The following FAT2 variants were observed in gnomAD, a reference collection of about 807,000 sequenced individuals.
FAT2 encodes protocadherin Fat 2.
FAT2 carries 150 observed loss-of-function variants against 295.3 expected under a neutral mutation model. That is an observed-to-expected ratio of 0.51 (90% confidence interval 0.44 to 0.58). The LOEUF is 0.58. Ranked by LOEUF, FAT2 falls within the 20% of genes least tolerant of loss-of-function variation. The probability of loss-of-function intolerance (pLI) is 0.00; values close to 1 mark genes in which losing one functional copy is unlikely to be tolerated. For synonymous variants in FAT2, 2,026 were observed against 2,150.3 expected (o/e 0.94, Z 1.60); for missense variants, 4,868 against 5,442.7 (o/e 0.89, Z 3.32).
intron 1 of FAT2, among the ~76,000 whole-genome samples, chr5:151,579,864 T>C (rs1286173495): frequency 6.6e-6 from 1 of 151,826 alleles, no homozygotes; most frequent in African/African-American, 2.4e-5. Context: ...AAATAAATGC[T>C]AGCTGTTGTT....
chr5:151,522,353 A>G (rs1753559149), intron 18 of FAT2, among the ~76,000 whole-genome samples: 1 of 152,332 alleles, frequency 6.6e-6, no homozygotes, highest in Admixed American at 6.5e-5. Context: ...CTCATGTGAC[A>G]TCTCTCTGAG....
chr5:151,505,239 G>A lies in FAT2; in HGVS notation c.*326C>T, dbSNP rs752449852. ...AGCACAGTCAATCAGGCTCTGCCCCGGGGACTGAGAGCCGGCAGATCAGGG... is the reference window on the plus strand; with the variant it reads ...AGCACAGTCAATCAGGCTCTGCCCCAGGGACTGAGAGCCGGCAGATCAGGG... On this transcript the variant is annotated 3_prime_UTR_variant, in exon 24 of 24. Transcript: ENST00000261800. The A allele has an allele frequency of 2.1e-5, 9 of 426,420 alleles. No homozygotes were observed. Among genetic ancestry groups the A allele is most frequent in the Admixed American group, 8.5e-5 (2 of 23,590 alleles). 26.4% of individuals were successfully genotyped at this position (426,420 alleles called of 1,614,324 possible).
At chr5:151,577,245 G>A (rs1418706887) in intron 1 of FAT2, among the ~76,000 whole-genome samples, 4 of 152,206 alleles carry the variant, frequency 2.6e-5, no homozygotes, top group Admixed American at 2.6e-4. Flanking sequence ...CTGGAGAAAT[G>A]AATATTTGAA....
In FAT2 at chr5:151,512,084, A is replaced by T. The variant is rs760831979; in HGVS notation, c.11905+81T>A. On this transcript the variant is annotated intron_variant, in intron 21 of 23. Transcript: ENST00000261800. The surrounding 1 kb of genome is among the most constrained non-coding windows in gnomAD (Gnocchi z 4.1). ...AAATTTGGAACCAGGAGGCTCTGAGATCTCCACCCTGACATGCTTTTCCCA... is the reference window on the plus strand; with the variant it reads ...AAATTTGGAACCAGGAGGCTCTGAGTTCTCCACCCTGACATGCTTTTCCCA... The T allele has an allele frequency of 3.6e-6, 5 of 1,370,442 alleles. No homozygotes were observed. Among genetic ancestry groups the T allele is most frequent in the Non-Finnish European group, 5.0e-6 (5 of 1,000,154 alleles). The allele number at this position is 1,370,442 out of a possible 1,614,324, so 84.9% of individuals were successfully genotyped here. A position where few individuals can be genotyped will look rare whatever the true frequency, so the allele number is the denominator to read the frequency against.
In FAT2 at chr5:151,545,064, C is replaced by T. The variant is rs1756490578; in HGVS notation, c.6063G>A (p.Leu2021=). 6 of 1,614,186 alleles carry T rather than the reference C, an allele frequency of 3.7e-6. No homozygotes were observed. The highest frequency in any genetic ancestry group is 5.1e-6 in the Non-Finnish European group (6 of 1,180,022). ...GGTCAAACGCCACACCTCTTGTCTGCAACACACCTGCTGACTGGACCATAT... is the reference window on the plus strand; with the variant it reads ...GGTCAAACGCCACACCTCTTGTCTGTAACACACCTGCTGACTGGACCATAT... ...MFHMVQSAGV[L]QTRGVAFDRE... The change falls in exon 10 of 24, where the codon TTG becomes TTA. Residue 2021 remains leucine, a synonymous_variant. Coordinates refer to ENST00000261800, the MANE Select transcript of FAT2 (RefSeq NM_001447.3).
chr5:151,588,483 A>G (rs1759266683), intron 1 of FAT2, among the ~76,000 whole-genome samples: 1 of 152,168 alleles, frequency 6.6e-6, no homozygotes. Context: ...GCGCCCTTCC[A>G]CTGGACTGTA....
chr5:151,534,397 T>A lies in FAT2; in HGVS notation c.9427+12A>T. 2 of 1,594,904 alleles carry A rather than the reference T, an allele frequency of 1.3e-6. No homozygotes were observed. Among genetic ancestry groups the A allele is most frequent in the South Asian group, 2.3e-5 (2 of 88,866 alleles). On this transcript the variant is annotated intron_variant, in intron 13 of 23. Transcript: ENST00000261800. ...GATCATTGGAAATGGCCTCAATCCT[T>A]CTCAGACTCACCTTGGTCGGGATCC...
chr5:151,530,296 G>C (rs1754451053), intron 14 of FAT2, among the ~76,000 whole-genome samples: 1 of 149,934 alleles, frequency 6.7e-6, no homozygotes, highest in Admixed American at 6.6e-5. Context: ...GTCCAGACAT[G>C]ATGCAAACAG....
intron 1 of FAT2, among the ~76,000 whole-genome samples, chr5:151,582,049 G>A (rs1217685783): frequency 1.7e-4 from 26 of 152,208 alleles, no homozygotes; most frequent in Admixed American, 1.3e-3. Context: ...TGGGAGCTGC[G>A]CTCTGGCAGT....
rs2127590668 is a variant in FAT2 at position 151,531,495 on chromosome 5, T to C, written c.9811+92A>G. On this transcript the variant is annotated intron_variant, in intron 14 of 23. Transcript: ENST00000261800. This position sits in a 1 kb window ranked among gnomAD's most constrained non-coding sequence, Gnocchi z 5.7. ...AGAGGAGGTCTGCTCTGGGAGGCGCTGCACAGGGTAGATACCCACACAGGG... is the reference window on the plus strand; with the variant it reads ...AGAGGAGGTCTGCTCTGGGAGGCGCCGCACAGGGTAGATACCCACACAGGG... 1 of 1,527,454 alleles carries C rather than the reference T, an allele frequency of 6.5e-7. No individual in the cohort carries two copies. Among genetic ancestry groups the C allele is most frequent in the South Asian group, 1.2e-5 (1 of 80,574 alleles). The allele number at this position is 1,527,454 out of a possible 1,614,324, so 94.6% of individuals were successfully genotyped here.
upstream of FAT2, among the ~76,000 whole-genome samples, chr5:151,592,334 A>G (rs140905095): frequency 3.7e-3 from 571 of 152,304 alleles, 4 homozygotes; most frequent in African/African-American, 0.013. Context: ...ACCTTTTCCC[A>G]GACACCGTAC....
intron 1 of FAT2, among the ~76,000 whole-genome samples, chr5:151,571,450 G>T (rs1008762192): frequency 6.6e-6 from 1 of 152,250 alleles, no homozygotes; most frequent in Non-Finnish European, 1.5e-5. Flanking sequence ...CCCGTGTTGG[G>T]CAGGCCCCAG....
At chr5:151,586,005 C>T (rs1482438598) in intron 1 of FAT2, among the ~76,000 whole-genome samples, 1 of 152,154 alleles carries the variant, frequency 6.6e-6, no homozygotes, top group Non-Finnish European at 1.5e-5. Flanking sequence ...ACTCAAGCAC[C>T]CCGACTCCAG....
At chr5:151,526,054 G>A in intron 17 of FAT2, 89 bp from the exon 18 acceptor site, 1 of 1,256,048 alleles carries the variant, frequency 8.0e-7, no homozygotes, top group Non-Finnish European at 1.1e-6. Flanking sequence ...TCTGGAATGA[G>A]TCCTCAGCAC....
intron 12 of FAT2, among the ~76,000 whole-genome samples, chr5:151,536,557 CAAAGGAAGT>C (rs2127596473): frequency 6.6e-6 from 1 of 152,258 alleles, no homozygotes; most frequent in African/African-American, 2.4e-5. Flanking sequence ...GCTGCTCTTC[CAAAGGAAGT>C]CCACTCCACC....
chr5:151,543,934 A>C lies in FAT2; in HGVS notation c.7193T>G (p.Val2398Gly). 1.9e-6 allele frequency: 3 copies of C among 1,614,122 alleles called. No individual in the cohort carries two copies. Among genetic ancestry groups the C allele is most frequent in the Non-Finnish European group, 2.5e-6 (3 of 1,180,026 alleles). Residue 2398 changes from valine to glycine, a missense_variant, in exon 10 of 24, where the codon GTT becomes GGT. This residue lies in a region of FAT2 where 3,297 missense variants were observed against 3,669.4 expected (regional missense o/e 0.90). Coordinates refer to ENST00000261800, the MANE Select transcript of FAT2 (RefSeq NM_001447.3). The part of the protein sequence containing the change: ...VSELATCGHL[V>G]LKVQAIDPDS... ...AGGGTCAATAGCCTGGACTTTAAGA[A>C]CCAGGTGTCCACAGGTTGCCAGTTC...
intron 1 of FAT2, among the ~76,000 whole-genome samples, chr5:151,580,797 A>T (rs140860079): frequency 6.6e-6 from 1 of 152,318 alleles, no homozygotes; most frequent in African/African-American, 2.4e-5. Flanking sequence ...TGTCCTGCAC[A>T]TTCTATAAAA....
At chr5:151,562,510 G>A (rs1758062245) in intron 3 of FAT2, among the ~76,000 whole-genome samples, 7 of 152,130 alleles carry the variant, frequency 4.6e-5, no homozygotes, top group Admixed American at 4.6e-4. Context: ...ACACAACAGG[G>A]GATGGCAGGA....
chr5:151,537,369 A>C (rs1405936786), intron 12 of FAT2, among the ~76,000 whole-genome samples: 1 of 151,550 alleles, frequency 6.6e-6, no homozygotes, highest in Non-Finnish European at 1.5e-5. Flanking sequence ...GAAGGAAGGA[A>C]AGAAACAACG....
Sources: gnomAD v4.1 joint callset for allele counts (sites outside exome capture counted in the v4.1 genomes callset) on GRCh38, gnomAD v4.1.1 for gene constraint, gnomAD v4.1.1 regional missense constraint, Gnocchi (gnomAD v3.1) non-coding constraint, MANE v1.5 for transcripts, NCBI Gene and HGNC (gene_info 2026-07-23, HGNC 2026-07-21) for gene names.